Variants in ASAP1 observed in about 807,000 individuals in gnomAD.
ASAP1 encodes ArfGAP with SH3 domain, ankyrin repeat and PH domain 1.
Under a neutral mutation model 145.2 loss-of-function variants are expected in ASAP1, and 43 were observed. The observed-to-expected ratio is 0.30, with a 90% CI of 0.23 to 0.38. The LOEUF is 0.38. Ranked by LOEUF, ASAP1 falls within the 10% of genes least tolerant of loss-of-function variation. The pLI is 1.00. For missense variants in ASAP1, 1,018 were observed against 1,355.3 expected (o/e 0.75, Z 3.91); for synonymous variants, 546 against 515.5 (o/e 1.06, Z -0.80).
intron 14 of ASAP1, among the ~76,000 whole-genome samples, chr8:130,135,416 T>C (rs2097592262): frequency 6.6e-6 from 1 of 151,926 alleles, no homozygotes; most frequent in Non-Finnish European, 1.5e-5. Flanking sequence ...GCCCAGGAGG[T>C]TGAGGCTGCA....
chr8:130,207,581 CA>C (rs1816308713), intron 5 of ASAP1, among the ~76,000 whole-genome samples: 1 of 151,998 alleles, frequency 6.6e-6, no homozygotes, highest in Non-Finnish European at 1.5e-5. Context: ...ACCCTTTTTA[CA>C]AAAATGAAGA....
intron 3 of ASAP1, among the ~76,000 whole-genome samples, chr8:130,257,774 G>T (rs1339494848): frequency 1.6e-5 from 2 of 128,326 alleles, no homozygotes; most frequent in Non-Finnish European, 3.3e-5. Flanking sequence ...AAACTGATTT[G>T]GACTCAAGAG....
At chr8:130,419,824 C>T (rs982099830) in intron 1 of ASAP1, among the ~76,000 whole-genome samples, 3 of 152,180 alleles carry the variant, frequency 2.0e-5, no homozygotes, top group East Asian at 1.9e-4. Context: ...AGGGCTCCTT[C>T]GCACAGCCCT....
chr8:130,384,247 C>T (rs575051032), intron 2 of ASAP1, among the ~76,000 whole-genome samples: 1 of 152,340 alleles, frequency 6.6e-6, no homozygotes, highest in East Asian at 1.9e-4. Flanking sequence ...AAATAAAGCA[C>T]AAACCACTTT....
chr8:130,347,521 C>T (rs1385141990), intron 3 of ASAP1, among the ~76,000 whole-genome samples: 1 of 152,356 alleles, frequency 6.6e-6, no homozygotes, highest in East Asian at 1.9e-4. Flanking sequence ...GCCAGAAGAA[C>T]TGAATCTAGT....
At chr8:130,132,993 A>G (rs11776863) in intron 15 of ASAP1, among the ~76,000 whole-genome samples, 8,128 of 152,226 alleles carry the variant, frequency 0.053, 282 homozygotes, top group Middle Eastern at 0.078. Flanking sequence ...GGAGAGAGAA[A>G]AGAAGTGAGT....
chr8:130,237,054 A>C, intron 3 of ASAP1, 60 bp from the exon 4 acceptor site: 7 of 1,304,080 alleles, frequency 5.4e-6, no homozygotes, highest in African/African-American at 1.5e-5. Flanking sequence ...AAAAATAATA[A>C]GAAAAATTCA....
At chr8:130,273,493 C>T (rs1242634941) in intron 3 of ASAP1, among the ~76,000 whole-genome samples, 2 of 152,174 alleles carry the variant, frequency 1.3e-5, no homozygotes, top group African/African-American at 4.8e-5. Flanking sequence ...ATCCAATACA[C>T]TGGCTGTGCA....
intron 24 of ASAP1, among the ~76,000 whole-genome samples, chr8:130,104,983 A>G (rs1210976228): frequency 6.6e-6 from 1 of 152,230 alleles, no homozygotes; most frequent in Non-Finnish European, 1.5e-5. Flanking sequence ...GACAAAAGTT[A>G]TATCTATCCA....
Position 130,366,484 on chromosome 8 carries a change from G to A in ASAP1, c.60-8341C>T, listed in dbSNP as rs578196530. Among the ~76,000 whole-genome samples, 37 of 152,294 alleles carry A rather than the reference G, an allele frequency of 2.4e-4. No individual in the cohort carries two copies. The South Asian group carries it at 4.1e-3, about 17-fold the overall frequency. ...TCCTCCTCCCTTGGTCATTTTCAGA[G>A]ATGAGATCATTGCCTCCTGAGTCTC... On this transcript the variant is annotated intron_variant, in intron 2 of 29. Coordinates refer to ENST00000518721, the MANE Select transcript of ASAP1 (RefSeq NM_018482.4).
intron 2 of ASAP1, among the ~76,000 whole-genome samples, chr8:130,392,979 C>T (rs1468517153): frequency 1.3e-5 from 2 of 152,082 alleles, no homozygotes; most frequent in East Asian, 1.9e-4. Context: ...AACCATGGCA[C>T]CGAGGCACAC....
intron 2 of ASAP1, among the ~76,000 whole-genome samples, chr8:130,396,088 A>G (rs11984909): frequency 0.35 from 52,532 of 151,982 alleles, 9,739 homozygotes; most frequent in African/African-American, 0.47. Context: ...GTTTCCCTTG[A>G]TATCCTGGCA....
intron 1 of ASAP1, among the ~76,000 whole-genome samples, chr8:130,439,930 T>C (rs750926231): frequency 6.6e-6 from 1 of 152,220 alleles, no homozygotes; most frequent in Non-Finnish European, 1.5e-5. Flanking sequence ...GGATGGCTGA[T>C]ACAGAACTTG....
chr8:130,350,855 C>A (rs80015622), intron 3 of ASAP1, among the ~76,000 whole-genome samples: 2,157 of 152,340 alleles, frequency 0.014, 26 homozygotes, highest in East Asian at 0.052. Context: ...CCTGAAGAAA[C>A]TGCAACTGAG....
intron 5 of ASAP1, among the ~76,000 whole-genome samples, chr8:130,199,684 C>T (rs1815742358): frequency 6.6e-6 from 1 of 152,152 alleles, no homozygotes; most frequent in Non-Finnish European, 1.5e-5. Context: ...AAGGTACCTT[C>T]CAGTTGTAAC....
intron 1 of ASAP1, among the ~76,000 whole-genome samples, chr8:130,431,256 T>C (rs1237421860): frequency 6.6e-6 from 1 of 151,996 alleles, no homozygotes; most frequent in African/African-American, 2.4e-5. Context: ...CCACCTAATC[T>C]ATTCAGTCCA....
intron 27 of ASAP1, among the ~76,000 whole-genome samples, chr8:130,072,824 T>TGTGTGTGTGTGTGTGCGCGCGCGCGCGC: frequency 1.1e-3 from 35 of 32,288 alleles, no homozygotes; most frequent in East Asian, 2.4e-3. Context: ...TGTGTGTGTG[T>TGTGTGTGTGTGTGTGCGCGCGCGCGCGC]GCGCGCGGGG....
chr8:130,142,405 G>C (rs2097614106), intron 13 of ASAP1, among the ~76,000 whole-genome samples: 1 of 152,156 alleles, frequency 6.6e-6, no homozygotes, highest in Non-Finnish European at 1.5e-5. Flanking sequence ...TCTCCTCTAA[G>C]TACTTACTTT....
At chr8:130,250,417 T>C (rs892470920) in intron 3 of ASAP1, among the ~76,000 whole-genome samples, 7 of 152,188 alleles carry the variant, frequency 4.6e-5, no homozygotes, top group Non-Finnish European at 8.8e-5. Flanking sequence ...CATGTTTTAT[T>C]CTACTTTTTG....
Sources: allele counts gnomAD v4.1 joint callset (sites outside exome capture counted in the v4.1 genomes callset), GRCh38; gene constraint gnomAD v4.1.1; transcripts MANE v1.5; gene names NCBI Gene and HGNC (gene_info 2026-07-23, HGNC 2026-07-21).